The following SEZ6 variants were observed in gnomAD, a reference collection of about 807,000 sequenced individuals.
SEZ6 encodes seizure protein 6 homolog.
A neutral mutation model predicts 101.0 loss-of-function variants in SEZ6; 53 were observed. The ratio of observed to expected loss-of-function variants is 0.52; its 90% confidence interval spans 0.42 to 0.66. SEZ6 has a LOEUF of 0.66. SEZ6 is among the 30% of genes least tolerant of loss of function. The probability of loss-of-function intolerance (pLI) is 0.00; values close to 1 mark genes in which losing one functional copy is unlikely to be tolerated. For missense variants in SEZ6, 1,102 were observed against 1,289.4 expected, an observed-to-expected ratio of 0.85 and a Z score of 2.23; for synonymous variants, 488 against 512.2, an observed-to-expected ratio of 0.95 and a Z score of 0.64.
chr17:28,968,311 G>T (rs2152685932), intron 4 of SEZ6, among the ~76,000 whole-genome samples: 2 of 152,370 alleles, frequency 1.3e-5, no homozygotes, highest in Admixed American at 1.3e-4. Flanking sequence ...GGGCTTCTGG[G>T]AGCTGAGAAG....
At position 28,981,610 on chromosome 17, in the gene SEZ6, G is replaced by C. The variant is rs2041305603; in HGVS notation, c.485C>G (p.Ala162Gly). The change falls in exon 2 of 17, where the codon GCA (alanine) becomes GGA (glycine). Residue 162 changes from alanine (A) to glycine (G), a missense_variant. This residue lies in a region of SEZ6 where 406 missense variants were observed against 418.6 expected (regional missense o/e 0.97). Coordinates refer to ENST00000317338, the MANE Select transcript of SEZ6 (RefSeq NM_178860.5). Reference protein sequence around the residue: ...TAPLPPGPSMAVPTLGPGEIA... With the variant: ...TAPLPPGPSMGVPTLGPGEIA... ...CTCCCCTGGGCCTAGGGTGGGCACT[G>C]CCATGCTGGGCCCTGGAGGTAGGGG... 2 of 1,596,250 alleles carry C rather than the reference G, an allele frequency of 1.3e-6. No individual in the cohort carries two copies. The highest frequency in any genetic ancestry group is 1.7e-6 in the Non-Finnish European group (2 of 1,167,868).
At chr17:28,963,827 GC>G in intron 5 of SEZ6, 134 bp downstream of exon 5, 1 of 986,404 alleles carries the variant, frequency 1.0e-6, no homozygotes, top group Non-Finnish European at 1.5e-6. Context: ...TTGGATGAAT[GC>G]CACTGAGGTG....
Position 28,956,358 on chromosome 17 carries a change from G to A in SEZ6, c.2841C>T (p.Tyr947=). The A allele has an allele frequency of 6.4e-7, 1 of 1,573,356 alleles. No individual in the cohort carries two copies. Among genetic ancestry groups the A allele is most frequent in the Non-Finnish European group, 8.6e-7 (1 of 1,159,066 alleles). Residue 947 remains tyrosine, a synonymous_variant, in exon 15 of 17, where the codon TAC becomes TAT. Transcript: ENST00000317338. ...MVLLVGGVYF[Y]FSRLQGKSSL... is the part of the protein sequence containing the mutation. ...AGAGAAGCCAGACTCACCTGGAGAA[G>A]TAGAAGTATACACCTCCTACCAACA...
At position 29,000,121 on chromosome 17, in the gene SEZ6, C is replaced by T. The variant is rs74446901; in HGVS notation, c.55+5694G>A. On this transcript the variant is annotated intron_variant, in intron 1 of 16. Transcript: ENST00000317338. ...AATGTATACAAAGCACTTCGTACAG[C>T]GCCTGGCACATAGTTGGTACCATAT... Among the ~76,000 whole-genome samples the T allele has an allele frequency of 1.4e-4, 21 of 152,312 alleles. No homozygotes were observed. The East Asian group carries it at 2.7e-3, about 20-fold the overall frequency.
chr17:29,001,577 C>T (rs72852218), intron 1 of SEZ6, among the ~76,000 whole-genome samples: 24,274 of 152,062 alleles, frequency 0.16, 1,955 homozygotes, highest in Middle Eastern at 0.2. Flanking sequence ...CAGATTGGTC[C>T]GGGAGGGGAA....
intron 3 of SEZ6, among the ~76,000 whole-genome samples, chr17:28,977,679 C>G (rs988418229): frequency 6.6e-6 from 1 of 152,066 alleles, no homozygotes; most frequent in Non-Finnish European, 1.5e-5. Flanking sequence ...TCAGCCTTGT[C>G]CAGTGGGCTT....
chr17:28,988,337 G>C (rs918000345), intron 1 of SEZ6, among the ~76,000 whole-genome samples: 1 of 152,196 alleles, frequency 6.6e-6, no homozygotes, highest in Non-Finnish European at 1.5e-5. Context: ...GGATCCAGCA[G>C]TGGGTATCTC....
chr17:28,978,055 C>T (rs768682883), intron 3 of SEZ6, among the ~76,000 whole-genome samples: 1 of 152,160 alleles, frequency 6.6e-6, no homozygotes, highest in Non-Finnish European at 1.5e-5. Context: ...GATACCTGGA[C>T]CTGACATCCC....
At chr17:28,980,471 G>C (rs1386380170) in intron 2 of SEZ6, among the ~76,000 whole-genome samples, 1 of 151,232 alleles carries the variant, frequency 6.6e-6, no homozygotes, top group Non-Finnish European at 1.5e-5. Context: ...CCGGGTTCAC[G>C]CCATTCTCCT....
In SEZ6 at chr17:28,959,445, G is replaced by A. The variant is rs757658846; in HGVS notation, c.1799C>T (p.Ser600Leu). The change falls in exon 9 of 17, where the codon TCG becomes TTG. Residue 600 changes from serine (S) to leucine (L), a missense_variant. By Grantham distance (145) the Ser-to-Leu change is moderately radical. Around this residue, in one of 3 missense-constraint regions of SEZ6, gnomAD observed 556 missense variants for 735.1 expected, o/e 0.76. Coordinates refer to ENST00000317338, the MANE Select transcript of SEZ6 (RefSeq NM_178860.5). The surrounding 1 kb of genome is among the most constrained non-coding windows in gnomAD (Gnocchi z 4.4). ...RAVCSGEITDSAGVVLSPNWP... is the reference protein window; with the variant it reads ...RAVCSGEITDLAGVVLSPNWP... ...GTTGGGAGAGAGTACCACGCCAGCC[G>A]AGTCTGTGATCTCCCCGCTGCACAC... 2 of 1,613,676 alleles carry A rather than the reference G, an allele frequency of 1.2e-6. No individual in the cohort carries two copies. The highest frequency in any genetic ancestry group is 1.7e-5 in the Admixed American group (1 of 60,020).
rs1458447364 is a variant in SEZ6 at position 28,959,382 on chromosome 17, C to T, written c.1862G>A (p.Trp621Ter). Residue 621 changes from tryptophan (W) to a stop codon, truncating the protein, a stop_gained, in exon 9 of 17, where the codon TGG (tryptophan) becomes TAG (stop). Coordinates refer to ENST00000317338, the MANE Select transcript of SEZ6 (RefSeq NM_178860.5). LOFTEE classifies it high-confidence loss of function. The surrounding 1 kb of genome is among the most constrained non-coding windows in gnomAD (Gnocchi z 4.4). Reference sequence around the variant, plus strand: ...CTTGTCCTCTTCCACATGCACACCCCAGATACAATCCTGCCCACGACCGTA... The same window carrying T: ...CTTGTCCTCTTCCACATGCACACCCTAGATACAATCCTGCCCACGACCGTA... ...EPYGRGQDCI[W>*]GVHVEEDKRI... 6.2e-7 allele frequency: 1 copy of T among 1,613,840 alleles called. No homozygotes were observed. The highest frequency in any genetic ancestry group is 8.5e-7 in the Non-Finnish European group (1 of 1,179,886).
At chr17:28,990,089 A>AC (rs1348310548) in intron 1 of SEZ6, among the ~76,000 whole-genome samples, 1 of 151,812 alleles carries the variant, frequency 6.6e-6, no homozygotes, top group Non-Finnish European at 1.5e-5. Context: ...ACACACACAC[A>AC]AAAAAAAGAA....
intron 1 of SEZ6, among the ~76,000 whole-genome samples, chr17:29,004,495 G>A (rs963549339): frequency 1.3e-5 from 2 of 152,190 alleles, no homozygotes; most frequent in African/African-American, 2.4e-5. Context: ...GAGGACACTG[G>A]GCTGTGTGCA....
chr17:28,969,778 T>C lies in SEZ6; in HGVS notation c.1033A>G (p.Thr345Ala). 6.6e-7 allele frequency: 1 copy of C among 1,505,152 alleles called. No homozygotes were observed. The highest frequency in any genetic ancestry group is 8.8e-7 in the Non-Finnish European group (1 of 1,136,228). 93.2% of individuals were successfully genotyped at this position (1,505,152 alleles called of 1,614,324 possible). ...QSLPPPAGPG[T>A]FHFHYQAYLL... ...TTACCTTGGTAATGGAAATGGAAGGTGCCAGGGCCAGCCGGTGGCGGGAGG... is the reference window on the plus strand; with the variant it reads ...TTACCTTGGTAATGGAAATGGAAGGCGCCAGGGCCAGCCGGTGGCGGGAGG... Residue 345 changes from threonine to alanine, a missense_variant, in exon 4 of 17, where the codon ACC becomes GCC. Physicochemically the swap from Thr to Ala is moderately conservative, Grantham distance 58. Around this residue, in one of 3 missense-constraint regions of SEZ6, gnomAD observed 556 missense variants for 735.1 expected, o/e 0.76. Coordinates refer to ENST00000317338, the MANE Select transcript of SEZ6 (RefSeq NM_178860.5).
rs112378012 is a variant in SEZ6 at position 28,972,068 on chromosome 17, A to G, written c.859-2116T>C. On this transcript the variant is annotated intron_variant, in intron 3 of 16. Coordinates refer to ENST00000317338, the MANE Select transcript of SEZ6 (RefSeq NM_178860.5). ...ACTTCTGCCCCCTGGGCATCCACATATGGGACTCTGCGGGGGCAATATCTT... is the reference window on the plus strand; with the variant it reads ...ACTTCTGCCCCCTGGGCATCCACATGTGGGACTCTGCGGGGGCAATATCTT... Among the ~76,000 whole-genome samples, 467 of 152,262 alleles carry G rather than the reference A, an allele frequency of 3.1e-3. 2 individuals carry two copies. Among genetic ancestry groups the G allele is most frequent in the African/African-American group, 0.01 (436 of 41,552 alleles).
At chr17:28,961,754 C>T (rs2040981904) in intron 5 of SEZ6, among the ~76,000 whole-genome samples, 1 of 152,192 alleles carries the variant, frequency 6.6e-6, no homozygotes, top group African/African-American at 2.4e-5. Flanking sequence ...GAGAGGGGTC[C>T]TCAGGCAAGA....
At chr17:28,960,361 G>C in intron 7 of SEZ6, 144 bp downstream of exon 7, 1 of 1,080,634 alleles carries the variant, frequency 9.3e-7, no homozygotes, top group East Asian at 2.6e-5. Context: ...CAGGGAAAGG[G>C]GGCCTAAGTA....
chr17:28,964,315 G>A (rs953177192), intron 4 of SEZ6, among the ~76,000 whole-genome samples, 168 bp from the exon 5 acceptor site: 2 of 152,204 alleles, frequency 1.3e-5, no homozygotes, highest in African/African-American at 4.8e-5. Context: ...AAGGTTACCA[G>A]TGATATTTCC....
Position 28,981,937 on chromosome 17 carries a change from C to T in SEZ6, c.158G>A (p.Arg53Gln), listed in dbSNP as rs189090565. Residue 53 changes from arginine to glutamine, a missense_variant, in exon 2 of 17, where the codon CGA becomes CAA. Coordinates refer to ENST00000317338, the MANE Select transcript of SEZ6 (RefSeq NM_178860.5). The part of the protein sequence containing the change: ...TAAPTPEQPE[R>Q]GVHFVTTAPT... Reference sequence around the variant, plus strand: ...GGCTGTTGTGACAAAGTGGACGCCTCGTTCTGGCTGCTCAGGTGTGGGGGC... The same window carrying T: ...GGCTGTTGTGACAAAGTGGACGCCTTGTTCTGGCTGCTCAGGTGTGGGGGC... The T allele has an allele frequency of 4.2e-5, 67 of 1,613,822 alleles. No individual in the cohort carries two copies. The African/African-American group carries it at 6.4e-4, about 15-fold the overall frequency.
Sources: gnomAD v4.1 joint callset for allele counts (sites outside exome capture counted in the v4.1 genomes callset) on GRCh38, gnomAD v4.1.1 for gene constraint, gnomAD v4.1.1 regional missense constraint, Gnocchi (gnomAD v3.1) non-coding constraint, MANE v1.5 for transcripts, NCBI Gene and HGNC (gene_info 2026-07-23, HGNC 2026-07-21) for gene names.